The following FRMD5 variants were observed in gnomAD, a reference collection of about 807,000 sequenced individuals.
The protein encoded by FRMD5 is FERM domain-containing protein 5.
In FRMD5, 20 loss-of-function variants were observed where a neutral mutation model predicts 69.0. The observed-to-expected ratio is 0.29, with a 90% CI of 0.20 to 0.42. The LOEUF (loss-of-function observed/expected upper bound fraction) is 0.42. Among genes scored for constraint, FRMD5 ranks in the 10% least tolerant of loss-of-function variants. The probability of loss-of-function intolerance (pLI) is 1.00; values close to 1 mark genes in which losing one functional copy is unlikely to be tolerated. For synonymous variants in FRMD5, 271 were observed against 260.1 expected (o/e 1.04, Z -0.40); for missense variants, 595 against 708.6 (o/e 0.84, Z 1.82).
At chr15:44,177,641 G>A (rs2077921787) in intron 1 of FRMD5, among the ~76,000 whole-genome samples, 1 of 152,176 alleles carries the variant, frequency 6.6e-6, no homozygotes, top group African/African-American at 2.4e-5. Context: ...TAGATATCTT[G>A]ATGGTTGCAC....
intron 1 of FRMD5, among the ~76,000 whole-genome samples, chr15:43,999,973 T>TGCC (rs1555392734): frequency 3.5e-5 from 2 of 56,604 alleles, no homozygotes; most frequent in South Asian, 1.2e-3. Context: ...TATATATATA[T>TGCC]ATATATATAT....
At chr15:44,068,022 A>G (rs1436317052) in intron 1 of FRMD5, among the ~76,000 whole-genome samples, 1 of 152,232 alleles carries the variant, frequency 6.6e-6, no homozygotes, top group Admixed American at 6.5e-5. Flanking sequence ...AATCAAAAAC[A>G]CAGTGAACTA....
At chr15:44,001,443 T>G (rs955619962) in intron 1 of FRMD5, among the ~76,000 whole-genome samples, 3 of 152,154 alleles carry the variant, frequency 2.0e-5, no homozygotes, top group Admixed American at 6.5e-5. Flanking sequence ...TTTTGTTGCC[T>G]GTGTTTTTAG....
rs71111842 is a variant in FRMD5, at chr15:44,139,727, CAAAAAAAAAA to C, written c.102+55216_102+55225del. Among the ~76,000 whole-genome samples, 2 of 72,026 alleles carry C rather than the reference CAAAAAAAAAA, an allele frequency of 2.8e-5. 1 individual carries two copies. The allele number at this position is 72,026 out of a possible 152,430, so 47.3% of individuals were successfully genotyped here. ...GCAATAAAGTGAGACCCAGTCTCTA[CAAAAAAAAAA>C]AAAAAAAAAAAAAAAGACATGACAT... On this transcript the variant is annotated intron_variant, in intron 1 of 13. Transcript: ENST00000417257.
intron 1 of FRMD5, among the ~76,000 whole-genome samples, chr15:44,179,774 T>A (rs8035364): frequency 6.6e-6 from 1 of 152,118 alleles, no homozygotes; most frequent in African/African-American, 2.4e-5. Context: ...GAGGGTTACA[T>A]TGCAATTTTA....
chr15:44,036,571 C>T (rs1412192554), intron 1 of FRMD5, among the ~76,000 whole-genome samples: 1 of 152,118 alleles, frequency 6.6e-6, no homozygotes, highest in Non-Finnish European at 1.5e-5. Context: ...TAAAATGGAG[C>T]TGAAAATTGT....
chr15:44,098,120 A>AAAAAAAAGC (rs1555403631), intron 1 of FRMD5, among the ~76,000 whole-genome samples: 1 of 142,272 alleles, frequency 7.0e-6, no homozygotes, highest in Admixed American at 7.1e-5. Flanking sequence ...CAAAACAAAA[A>AAAAAAAAGC]AAAAAAAACT....
chr15:44,136,370 A>C (rs910894548), intron 1 of FRMD5, among the ~76,000 whole-genome samples: 1 of 152,220 alleles, frequency 6.6e-6, no homozygotes, highest in African/African-American at 2.4e-5. Context: ...TTTAATAAAA[A>C]TGGAATGTCA....
intron 1 of FRMD5, among the ~76,000 whole-genome samples, chr15:43,937,950 T>C (rs962880986): frequency 2.0e-5 from 3 of 152,004 alleles, no homozygotes; most frequent in Non-Finnish European, 2.9e-5. Flanking sequence ...AAACCCCAAA[T>C]CATAACTACC....
At chr15:44,033,696 G>A (rs1367928739) in intron 1 of FRMD5, among the ~76,000 whole-genome samples, 1 of 152,178 alleles carries the variant, frequency 6.6e-6, no homozygotes, top group East Asian at 1.9e-4. Context: ...AAAGGCAGTA[G>A]AATATAATGA....
At chr15:44,039,671 G>A (rs990378333) in intron 1 of FRMD5, among the ~76,000 whole-genome samples, 3 of 152,092 alleles carry the variant, frequency 2.0e-5, no homozygotes, top group African/African-American at 7.2e-5. Context: ...CATCTGAAGG[G>A]CACCGACTTC....
chr15:44,027,627 C>G (rs921181140), intron 1 of FRMD5, among the ~76,000 whole-genome samples: 2 of 145,258 alleles, frequency 1.4e-5, no homozygotes, highest in East Asian at 4.0e-4. Flanking sequence ...CCTGTGCTGA[C>G]TTTCTTTTCT....
intron 1 of FRMD5, among the ~76,000 whole-genome samples, chr15:43,947,070 A>C (rs2089959114): frequency 6.6e-6 from 1 of 152,274 alleles, no homozygotes. Context: ...AGGAACCTAC[A>C]GAAATGTCTA....
chr15:43,986,503 G>T (rs1216432549), intron 1 of FRMD5, among the ~76,000 whole-genome samples: 1 of 152,164 alleles, frequency 6.6e-6, no homozygotes, highest in Non-Finnish European at 1.5e-5. Flanking sequence ...AACGTATGAA[G>T]ATGTCCCAGA....
intron 1 of FRMD5, among the ~76,000 whole-genome samples, chr15:44,055,442 C>G (rs955455672): frequency 5.3e-5 from 8 of 152,320 alleles, no homozygotes; most frequent in African/African-American, 1.9e-4. Flanking sequence ...ATGATTAGCA[C>G]TATCCTCAGC....
chr15:43,984,459 G>A (rs1889287979), intron 1 of FRMD5, among the ~76,000 whole-genome samples: 1 of 152,182 alleles, frequency 6.6e-6, no homozygotes, highest in South Asian at 2.1e-4. Flanking sequence ...ACTGGAGCAG[G>A]ACTGGATTAA....
chr15:44,062,199 T>C (rs1407850372), intron 1 of FRMD5, among the ~76,000 whole-genome samples: 1 of 152,198 alleles, frequency 6.6e-6, no homozygotes, highest in Non-Finnish European at 1.5e-5. Context: ...GCAATAAACA[T>C]TTTTGGCAGC....
chr15:43,979,907 T>C (rs898112139), intron 1 of FRMD5, among the ~76,000 whole-genome samples: 8 of 152,130 alleles, frequency 5.3e-5, no homozygotes, highest in African/African-American at 1.9e-4. Flanking sequence ...GGCGATGCTG[T>C]GAAAATAAAG....
intron 1 of FRMD5, among the ~76,000 whole-genome samples, chr15:44,052,994 T>A (rs570739636): frequency 6.6e-6 from 1 of 152,268 alleles, no homozygotes; most frequent in East Asian, 1.9e-4. Flanking sequence ...ATTACAACAG[T>A]GTAACTGTGC....
Sources: allele counts gnomAD v4.1 joint callset (sites outside exome capture counted in the v4.1 genomes callset), GRCh38; gene constraint gnomAD v4.1.1; transcripts MANE v1.5; gene names NCBI Gene and HGNC (gene_info 2026-07-23, HGNC 2026-07-21).